Variants in MIPOL1 observed in about 807,000 individuals in gnomAD.
MIPOL1 encodes mirror-image polydactyly gene 1 protein.
A neutral mutation model predicts 60.9 loss-of-function variants in MIPOL1; 57 were observed. The observed-to-expected ratio is 0.94, with a 90% CI of 0.76 to 1.17. MIPOL1 has a LOEUF of 1.17. Among genes scored for constraint, MIPOL1 ranks in the 50% most tolerant of loss-of-function variants. The probability of loss-of-function intolerance (pLI) is 0.00; values close to 1 mark genes in which losing one functional copy is unlikely to be tolerated. For missense variants in MIPOL1, 551 were observed against 511.6 expected (o/e 1.08, Z -0.74); for synonymous variants, 179 against 168.8 (o/e 1.06, Z -0.47).
At chr14:37,430,921 C>T (rs2094052834) in intron 11 of MIPOL1, among the ~76,000 whole-genome samples, 1 of 152,146 alleles carries the variant, frequency 6.6e-6, no homozygotes, top group Non-Finnish European at 1.5e-5. Context: ...TTATTCAACA[C>T]AGTAAGCTAT....
chr14:37,241,327 C>T (rs1264292253), intron 1 of MIPOL1, among the ~76,000 whole-genome samples: 1 of 152,098 alleles, frequency 6.6e-6, no homozygotes, highest in Admixed American at 6.6e-5. Context: ...CCCCAGTACA[C>T]TGATTCAAAT....
At chr14:37,270,579 A>G (rs1041609873) in intron 6 of MIPOL1, 54 bp downstream of exon 6, 36 of 911,528 alleles carry the variant, frequency 3.9e-5, no homozygotes, top group African/African-American at 2.6e-4. Context: ...CAAGGTTATT[A>G]TATGATGTAT....
intron 11 of MIPOL1, among the ~76,000 whole-genome samples, chr14:37,427,134 A>G (rs1038588451): frequency 1.3e-5 from 2 of 152,206 alleles, no homozygotes; most frequent in African/African-American, 4.8e-5. Context: ...AGCATTGTTC[A>G]TATTAACCAA....
chr14:37,267,157 C>T lies in MIPOL1; in HGVS notation c.239C>T (p.Thr80Ile), dbSNP rs1020937979. The T allele has an allele frequency of 1.2e-6, 2 of 1,611,466 alleles. No individual in the cohort carries two copies. The highest frequency in any genetic ancestry group is 1.7e-6 in the Non-Finnish European group (2 of 1,178,122). Residue 80 changes from threonine (T) to isoleucine (I), a missense_variant, in exon 4 of 13, where the codon ACT becomes ATT. Transcript: ENST00000684589. ...GATGATGAGTCTGTTTACTGCACTA[C>T]TGAAAAATACAAGTAAGTGCTCACA... ...YPDDESVYCT[T>I]EKYNVMEHRH... is the part of the protein sequence containing the mutation.
At chr14:37,488,522 G>C (rs565972716) in intron 11 of MIPOL1, among the ~76,000 whole-genome samples, 1 of 152,128 alleles carries the variant, frequency 6.6e-6, no homozygotes, top group East Asian at 1.9e-4. Flanking sequence ...AGTGCATATA[G>C]GTTTAGGACA....
intron 12 of MIPOL1, among the ~76,000 whole-genome samples, chr14:37,537,332 G>A (rs1218633322): frequency 1.3e-5 from 2 of 152,106 alleles, no homozygotes; most frequent in Non-Finnish European, 2.9e-5. Context: ...TGTCAAGGAA[G>A]ACACTTATAT....
chr14:37,368,783 G>A (rs2092555231), intron 9 of MIPOL1, among the ~76,000 whole-genome samples: 1 of 151,870 alleles, frequency 6.6e-6, no homozygotes, highest in East Asian at 1.9e-4. Context: ...TATTCAAATG[G>A]CAAGATATTT....
chr14:37,322,743 T>C (rs1286992980), intron 9 of MIPOL1, among the ~76,000 whole-genome samples: 1 of 152,170 alleles, frequency 6.6e-6, no homozygotes, highest in East Asian at 1.9e-4. Flanking sequence ...ATGAGCTTTT[T>C]TTCATGTATT....
chr14:37,495,684 T>C (rs1489354235), intron 11 of MIPOL1, among the ~76,000 whole-genome samples: 2 of 132,086 alleles, frequency 1.5e-5, no homozygotes, highest in Admixed American at 1.6e-4. Flanking sequence ...TTTCTAGTTC[T>C]AGATCCCTGA....
At chr14:37,282,747 CAAA>C (rs59301708) in intron 6 of MIPOL1, among the ~76,000 whole-genome samples, 4 of 67,892 alleles carry the variant, frequency 5.9e-5, no homozygotes, top group Middle Eastern at 0.013. Context: ...GACCCTGTCT[CAAA>C]AAAAAAAAAA....
At chr14:37,402,271 C>T (rs1404272874) in intron 10 of MIPOL1, among the ~76,000 whole-genome samples, 1 of 152,020 alleles carries the variant, frequency 6.6e-6, no homozygotes, top group Non-Finnish European at 1.5e-5. Flanking sequence ...TGAAAGCTTA[C>T]GTACTACAGT....
At chr14:37,307,304 A>T (rs1016906305) in intron 7 of MIPOL1, among the ~76,000 whole-genome samples, 1 of 151,928 alleles carries the variant, frequency 6.6e-6, no homozygotes, top group Non-Finnish European at 1.5e-5. Context: ...ATTACTTTGA[A>T]TGGTTGCCTA....
At chr14:37,279,336 A>G (rs1020045335) in intron 6 of MIPOL1, among the ~76,000 whole-genome samples, 2 of 151,258 alleles carry the variant, frequency 1.3e-5, no homozygotes, top group East Asian at 1.9e-4. Flanking sequence ...TCATTCCATC[A>G]TAATTTGCAT....
chr14:37,254,559 C>T (rs1290767780), intron 3 of MIPOL1, among the ~76,000 whole-genome samples: 2 of 151,778 alleles, frequency 1.3e-5, no homozygotes, highest in African/African-American at 4.8e-5. Context: ...CACAAACACC[C>T]AACCTCTGTC....
intron 1 of MIPOL1, among the ~76,000 whole-genome samples, chr14:37,202,975 C>G (rs1285216763): frequency 6.6e-6 from 1 of 152,172 alleles, no homozygotes; most frequent in African/African-American, 2.4e-5. Context: ...ATTACTAGTA[C>G]GTCCAGCTAC....
intron 9 of MIPOL1, among the ~76,000 whole-genome samples, chr14:37,316,899 A>C (rs1335317965): frequency 6.6e-6 from 1 of 151,842 alleles, no homozygotes; most frequent in East Asian, 1.9e-4. Context: ...AATCGCTTGA[A>C]CCCAGGAGGC....
intron 12 of MIPOL1, among the ~76,000 whole-genome samples, chr14:37,526,002 T>C (rs2095443670): frequency 6.6e-6 from 1 of 152,172 alleles, no homozygotes; most frequent in South Asian, 2.1e-4. Context: ...TGGGAAAAAG[T>C]AGAGGATACT....
intron 12 of MIPOL1, among the ~76,000 whole-genome samples, chr14:37,523,036 A>G (rs538705517): frequency 1.3e-5 from 2 of 152,294 alleles, no homozygotes; most frequent in East Asian, 1.9e-4. Context: ...CATTTAAGTA[A>G]CAATTTAAAC....
At chr14:37,493,816 CT>C (rs1386197456) in intron 11 of MIPOL1, among the ~76,000 whole-genome samples, 3 of 152,082 alleles carry the variant, frequency 2.0e-5, no homozygotes, top group African/African-American at 7.2e-5. Flanking sequence ...TGATTACATG[CT>C]TTAGAATTTC....
Sources: allele counts gnomAD v4.1 joint callset (sites outside exome capture counted in the v4.1 genomes callset), GRCh38; gene constraint gnomAD v4.1.1; transcripts MANE v1.5; gene names NCBI Gene and HGNC (gene_info 2026-07-23, HGNC 2026-07-21).